PIGU: variants seen among roughly 807,000 people sequenced by gnomAD.
PIGU encodes phosphatidylinositol glycan anchor biosynthesis class U, also known as GPI-anchor transamidase component PIGU.
PIGU carries 24 observed loss-of-function variants against 49.9 expected under a neutral mutation model. The observed-to-expected ratio is 0.48, with a 90% CI of 0.35 to 0.68. PIGU has a LOEUF of 0.68. PIGU is among the 30% of genes least tolerant of loss of function. The pLI is 0.01. For synonymous variants in PIGU, 220 were observed against 205.7 expected, an observed-to-expected ratio of 1.07 and a Z score of -0.59; for missense variants, 490 against 532.6, an observed-to-expected ratio of 0.92 and a Z score of 0.79.
intron 7 of PIGU, among the ~76,000 whole-genome samples, chr20:34,601,077 G>C (rs1482394489): frequency 6.6e-6 from 1 of 151,158 alleles, no homozygotes; most frequent in Non-Finnish European, 1.5e-5. Flanking sequence ...GGCAAGTCCT[G>C]AACACACACT....
chr20:34,629,215 C>T (rs1315815371), intron 6 of PIGU, among the ~76,000 whole-genome samples: 1 of 152,020 alleles, frequency 6.6e-6, no homozygotes, highest in African/African-American at 2.4e-5. Context: ...GAGGTTTCAC[C>T]ATCTTGGCTA....
chr20:34,585,398 A>G, intron 9 of PIGU, 39 bp downstream of exon 9: 1 of 1,594,406 alleles, frequency 6.3e-7, no homozygotes. Flanking sequence ...CTTCTCGGAC[A>G]GCTCTGTACA....
intron 7 of PIGU, among the ~76,000 whole-genome samples, chr20:34,603,193 A>G (rs1250001334): frequency 2.0e-5 from 3 of 152,074 alleles, no homozygotes; most frequent in African/African-American, 7.2e-5. Flanking sequence ...TTTGGATTTT[A>G]TCCTTTTGGC....
intron 9 of PIGU, among the ~76,000 whole-genome samples, chr20:34,582,363 C>G (rs1983514087): frequency 6.6e-6 from 1 of 152,136 alleles, no homozygotes; most frequent in Non-Finnish European, 1.5e-5. Context: ...TGATCCTCAC[C>G]ACATCTCAAC....
At chr20:34,588,329 T>C in intron 8 of PIGU, 124 bp downstream of exon 8, 1 of 839,334 alleles carries the variant, frequency 1.2e-6, no homozygotes, top group African/African-American at 1.7e-5. Context: ...CTATTTTTAG[T>C]TGTTTGAGGA....
At chr20:34,588,127 C>G (rs535715388) in intron 8 of PIGU, among the ~76,000 whole-genome samples, 1 of 152,192 alleles carries the variant, frequency 6.6e-6, no homozygotes, top group East Asian at 1.9e-4. Context: ...TGGTGCATGC[C>G]TGTAGTCCCA....
intron 6 of PIGU, among the ~76,000 whole-genome samples, chr20:34,622,461 G>A (rs11908216): frequency 6.6e-4 from 100 of 152,068 alleles, no homozygotes; most frequent in African/African-American, 2.3e-3. Flanking sequence ...AGGTTGCAGT[G>A]AGCCGAGATC....
intron 11 of PIGU, 60 bp from the exon 12 acceptor site, chr20:34,561,039 C>T: frequency 8.1e-7 from 1 of 1,229,184 alleles, no homozygotes; most frequent in Non-Finnish European, 1.2e-6. Flanking sequence ...CCCAGGATCC[C>T]TGAACTGCTG....
intron 6 of PIGU, among the ~76,000 whole-genome samples, chr20:34,630,239 G>A (rs1407454918): frequency 6.6e-6 from 1 of 152,046 alleles, no homozygotes; most frequent in Non-Finnish European, 1.5e-5. Flanking sequence ...CTCAGTTCTG[G>A]AGAAAGCTAA....
At chr20:34,643,457 A>ACAATGC (rs1463149018) in intron 4 of PIGU, 1 of 152,238 alleles carries the variant, frequency 6.6e-6, no homozygotes, top group Non-Finnish European at 1.5e-5. Flanking sequence ...CCACAAACAG[A>ACAATGC]CAATGCCAAT....
intron 1 of PIGU, among the ~76,000 whole-genome samples, chr20:34,665,365 G>A (rs1014188987): frequency 1.8e-4 from 27 of 150,820 alleles, no homozygotes; most frequent in Non-Finnish European, 3.0e-4. Context: ...TACCACGCCC[G>A]GCTAATTTTT....
At chr20:34,626,053 A>C (rs867352134) in intron 6 of PIGU, among the ~76,000 whole-genome samples, 1 of 151,492 alleles carries the variant, frequency 6.6e-6, no homozygotes, top group Non-Finnish European at 1.5e-5. Flanking sequence ...TATCATGTGC[A>C]TAATATTCTA....
chr20:34,664,006 G>A (rs1460300541), intron 1 of PIGU, among the ~76,000 whole-genome samples: 1 of 152,196 alleles, frequency 6.6e-6, no homozygotes, highest in Non-Finnish European at 1.5e-5. Context: ...GCTTTTGCTA[G>A]ATACTGTATA....
chr20:34,650,698 C>CTTTTTTTTTTTTTTTTTTTTT (rs1568658806), intron 2 of PIGU, among the ~76,000 whole-genome samples: 3 of 43,946 alleles, frequency 6.8e-5, no homozygotes, highest in Non-Finnish European at 9.6e-5. Context: ...TTCTTTTTTT[C>CTTTTTTTTTTTTTTTTTTTTT]TCTTTTTTTT....
intron 8 of PIGU, among the ~76,000 whole-genome samples, chr20:34,587,696 T>C (rs949586243): frequency 6.6e-6 from 1 of 152,214 alleles, no homozygotes; most frequent in Non-Finnish European, 1.5e-5. Context: ...TCTCTGCTTC[T>C]ATGAGCGTAA....
At chr20:34,578,393 C>T (rs1983322611) in intron 10 of PIGU, among the ~76,000 whole-genome samples, 1 of 152,200 alleles carries the variant, frequency 6.6e-6, no homozygotes, top group Non-Finnish European at 1.5e-5. Context: ...ACTCCTCTAA[C>T]CCAACATCAC....
chr20:34,566,462 G>T (rs545634032), intron 11 of PIGU, among the ~76,000 whole-genome samples: 1 of 152,332 alleles, frequency 6.6e-6, no homozygotes, highest in East Asian at 1.9e-4. Context: ...AGCTCATGGG[G>T]CAGCTAGCTG....
chr20:34,595,193 A>G (rs1984155293), intron 7 of PIGU, among the ~76,000 whole-genome samples: 1 of 152,126 alleles, frequency 6.6e-6, no homozygotes, highest in South Asian at 2.1e-4. Context: ...TAAGCCAGAA[A>G]CTAAAGAGAA....
At chr20:34,659,174 C>G (rs1465741989) in intron 1 of PIGU, among the ~76,000 whole-genome samples, 1 of 123,708 alleles carries the variant, frequency 8.1e-6, no homozygotes, top group African/African-American at 3.0e-5. Context: ...CCCCTCTGCC[C>G]GGCCAGCCGC....
Sources: gnomAD v4.1 joint callset for allele counts (sites outside exome capture counted in the v4.1 genomes callset) on GRCh38, gnomAD v4.1.1 for gene constraint, MANE v1.5 for transcripts, NCBI Gene and HGNC (gene_info 2026-07-23, HGNC 2026-07-21) for gene names.